The following PCDHGB3 variants were observed in gnomAD, a reference collection of about 807,000 sequenced individuals.
The protein encoded by PCDHGB3 is protocadherin gamma-B3.
A neutral mutation model predicts 59.2 loss-of-function variants in PCDHGB3; 40 were observed. The ratio of observed to expected loss-of-function variants is 0.68; its 90% CI spans 0.52 to 0.88. PCDHGB3 has a LOEUF of 0.88. Among genes scored for constraint, PCDHGB3 ranks in the 40% least tolerant of loss-of-function variants. The probability of loss-of-function intolerance (pLI) is 0.00; values close to 1 mark genes in which losing one functional copy is unlikely to be tolerated. For missense variants in PCDHGB3, 1,309 were observed against 1,187.9 expected, an observed-to-expected ratio of 1.10 and a Z score of -1.50; for synonymous variants, 581 against 503.6, an observed-to-expected ratio of 1.15 and a Z score of -2.06.
Position 141,372,067 on chromosome 5 carries a change from A to C in PCDHGB3, c.1673A>C (p.Asn558Thr). The C allele has an allele frequency of 6.2e-7, 1 of 1,613,568 alleles. No individual in the cohort carries two copies. Among genetic ancestry groups the C allele is most frequent in the Non-Finnish European group, 8.5e-7 (1 of 1,179,822 alleles). ...LRVLVDDRND[N>T]APLVLYPALG... ...GTGTTGGTGGACGACCGCAACGACA[A>C]TGCACCGCTGGTGCTGTACCCAGCT... Residue 558 changes from asparagine to threonine, a missense_variant, in exon 1 of 4, where the codon AAT becomes ACT. Asn to Thr is a moderately conservative substitution (Grantham distance 65). Coordinates refer to ENST00000576222, the MANE Select transcript of PCDHGB3 (RefSeq NM_018924.5).
intron 1 of PCDHGB3, chr5:141,419,601 C>A (rs753678898): frequency 6.2e-7 from 1 of 1,611,818 alleles, no homozygotes; most frequent in Admixed American, 1.7e-5. Flanking sequence ...GTGCCGCGGG[C>A]CGCGCAGCCA....
chr5:141,441,700 T>TCAAG (rs1409793305), intron 1 of PCDHGB3: 1 of 308,660 alleles, frequency 3.2e-6, no homozygotes, highest in African/African-American at 2.3e-5. Context: ...CCGCGAGCCT[T>TCAAG]CAAGCTCACG....
intron 2 of PCDHGB3, among the ~76,000 whole-genome samples, chr5:141,501,306 C>T (rs1016823458): frequency 5.3e-5 from 8 of 151,412 alleles, no homozygotes; most frequent in Non-Finnish European, 8.8e-5. Context: ...CACACACACA[C>T]ACACACACAC....
At chr5:141,425,822 A>G (rs1257213242) in intron 1 of PCDHGB3, among the ~76,000 whole-genome samples, 1 of 152,240 alleles carries the variant, frequency 6.6e-6, no homozygotes, top group Non-Finnish European at 1.5e-5. Context: ...GAAAAAAACA[A>G]ACTTTTAAAT....
intron 1 of PCDHGB3, chr5:141,400,256 G>A (rs756430299): frequency 9.9e-6 from 16 of 1,613,986 alleles, no homozygotes; most frequent in Admixed American, 1.7e-5. Context: ...GTTGCCTTGC[G>A]CCTGCGACGC....
intron 1 of PCDHGB3, chr5:141,389,114 C>A: frequency 1.2e-6 from 2 of 1,614,004 alleles, no homozygotes; most frequent in Non-Finnish European, 1.7e-6. Flanking sequence ...TTCTAGACCG[C>A]GAGCAGAATC....
chr5:141,421,194 C>G, intron 1 of PCDHGB3: 1 of 1,498,922 alleles, frequency 6.7e-7, no homozygotes, highest in South Asian at 1.3e-5. Context: ...CCAACCAGCT[C>G]GAGAAACCGC....
chr5:141,456,299 A>G (rs11167748), intron 1 of PCDHGB3, among the ~76,000 whole-genome samples: 25,602 of 152,048 alleles, frequency 0.17, 2,205 homozygotes, highest in South Asian at 0.22. Context: ...TCTAATGGAG[A>G]ACAGCAGCTA....
At chr5:141,482,761 ATT>A (rs2099571906) in intron 1 of PCDHGB3, among the ~76,000 whole-genome samples, 1 of 127,370 alleles carries the variant, frequency 7.9e-6, no homozygotes, top group Admixed American at 7.7e-5. Flanking sequence ...ATGGTATTTC[ATT>A]ATCACTGAAC....
Position 141,400,678 on chromosome 5 carries a change from T to A in PCDHGB3, c.2415+27869T>A. ...ACCATTCTTTAAGAGGAGCAGTAAA[T>A]TGTGAGTTTTTATGTCGCATAAAAG... On this transcript the variant is annotated intron_variant, in intron 1 of 3. Coordinates refer to ENST00000576222, the MANE Select transcript of PCDHGB3 (RefSeq NM_018924.5). 4.5e-6 allele frequency: 4 copies of A among 882,002 alleles called. No homozygotes were observed. In the South Asian group the frequency reaches 6.9e-5, roughly 15 times the overall value. The allele number at this position is 882,002 out of a possible 1,614,324, so 54.6% of individuals were successfully genotyped here.
At chr5:141,445,148 C>A (rs1051995635) in intron 1 of PCDHGB3, among the ~76,000 whole-genome samples, 3 of 152,092 alleles carry the variant, frequency 2.0e-5, no homozygotes, top group Non-Finnish European at 4.4e-5. Context: ...TCTAATTGTT[C>A]ATTTCTAGTT....
intron 1 of PCDHGB3, among the ~76,000 whole-genome samples, chr5:141,437,452 G>GACTAT (rs1319101256): frequency 6.6e-6 from 1 of 152,144 alleles, no homozygotes; most frequent in Non-Finnish European, 1.5e-5. Context: ...ATGTTGAGGA[G>GACTAT]ACTATACTAT....
At position 141,486,881 on chromosome 5, in the gene PCDHGB3, G is replaced by T. The variant is rs114512641; in HGVS notation, c.2416-7926G>T. The T allele has an allele frequency of 1.3e-5, 21 of 1,614,090 alleles. No homozygotes were observed. The East Asian group carries it at 4.7e-4, about 36-fold the overall frequency. ...TGCTCCAGCTGTGCTCCGTCCTCGG[G>T]CCCGGCCTGGTTCCTTATGTCCCCA... is the stretch of plus-strand genomic sequence containing the variant. On this transcript the variant is annotated intron_variant, in intron 1 of 3. Coordinates refer to ENST00000576222, the MANE Select transcript of PCDHGB3 (RefSeq NM_018924.5). This position sits in a 1 kb window ranked among gnomAD's most constrained non-coding sequence, Gnocchi z 5.0.
At chr5:141,460,341 C>T (rs557699438) in intron 1 of PCDHGB3, among the ~76,000 whole-genome samples, 39 of 152,110 alleles carry the variant, frequency 2.6e-4, no homozygotes, top group Admixed American at 2.4e-3. Flanking sequence ...ATGATTTTCT[C>T]CTATATTTTC....
At chr5:141,434,553 G>T (rs1203568173) in intron 1 of PCDHGB3, among the ~76,000 whole-genome samples, 1 of 152,202 alleles carries the variant, frequency 6.6e-6, no homozygotes, top group Admixed American at 6.5e-5. Flanking sequence ...AGTGATCTGT[G>T]CCTTAAGGAC....
intron 3 of PCDHGB3, among the ~76,000 whole-genome samples, chr5:141,505,981 A>G (rs1285802357): frequency 6.6e-6 from 1 of 151,898 alleles, no homozygotes; most frequent in Non-Finnish European, 1.5e-5. Context: ...CCGAGAGAAC[A>G]CCTCCTCTTT....
chr5:141,489,111 C>G lies in PCDHGB3; in HGVS notation c.2416-5696C>G. 1.9e-6 allele frequency: 1 copy of G among 518,042 alleles called. No individual in the cohort carries two copies. Among genetic ancestry groups the G allele is most frequent in the Non-Finnish European group, 3.2e-6 (1 of 308,182 alleles). The allele number at this position is 518,042 out of a possible 1,614,324, so 32.1% of individuals were successfully genotyped here. The stretch of plus-strand genomic sequence containing the variant: ...GTGACTAAGAACTGCTGCAAGCAGG[C>G]AAACCTCCGAGCAGTTTTTAAGAGG... On this transcript the variant is annotated intron_variant, in intron 1 of 3. Coordinates refer to ENST00000576222, the MANE Select transcript of PCDHGB3 (RefSeq NM_018924.5). This position sits in a 1 kb window ranked among gnomAD's most constrained non-coding sequence, Gnocchi z 4.5.
intron 1 of PCDHGB3, chr5:141,475,885 A>G (rs1593590954): frequency 1.8e-6 from 1 of 556,524 alleles, no homozygotes. Flanking sequence ...ATTGGCTGGG[A>G]CTCTGTGTGC....
In PCDHGB3 at chr5:141,414,961, G is replaced by A. The variant is rs1357376957; in HGVS notation, c.2415+42152G>A. Reference sequence around the variant, plus strand: ...GCCCGGCTACCTGGTGACCAAGGTGGTGGCGGTGGACAGAGACTCCGGCCA... The same window carrying A: ...GCCCGGCTACCTGGTGACCAAGGTGATGGCGGTGGACAGAGACTCCGGCCA... On this transcript the variant is annotated intron_variant, in intron 1 of 3. Transcript: ENST00000576222. 2.5e-6 allele frequency: 4 copies of A among 1,614,028 alleles called. No individual in the cohort carries two copies. In the Admixed American group the frequency reaches 6.7e-5, roughly 27 times the overall value.
Sources: gnomAD v4.1 joint callset for allele counts (sites outside exome capture counted in the v4.1 genomes callset) on GRCh38, gnomAD v4.1.1 for gene constraint, Gnocchi (gnomAD v3.1) non-coding constraint, MANE v1.5 for transcripts, NCBI Gene and HGNC (gene_info 2026-07-23, HGNC 2026-07-21) for gene names.